Variants in CENPK observed in about 807,000 individuals in gnomAD.
CENPK encodes the protein SoxLZ/Sox6-binding protein Solt.
A neutral mutation model predicts 40.9 loss-of-function variants in CENPK; 46 were observed. The observed-to-expected ratio is 1.13, with a 90% confidence interval of 0.89 to 1.44. The LOEUF (loss-of-function observed/expected upper bound fraction) is 1.44. Among genes scored for constraint, CENPK ranks in the 40% most tolerant of loss-of-function variants. The pLI, the probability that CENPK is intolerant of heterozygous loss-of-function variation, is 0.00. For synonymous variants in CENPK, 107 were observed against 104.4 expected, an observed-to-expected ratio of 1.02 and a Z score of -0.15; for missense variants, 288 against 303.5, an observed-to-expected ratio of 0.95 and a Z score of 0.38.
chr5:65,519,191 T>C (rs1464328458), intron 10 of CENPK, among the ~76,000 whole-genome samples: 3 of 152,192 alleles, frequency 2.0e-5, no homozygotes, highest in Admixed American at 1.3e-4. Flanking sequence ...TTATATAGGC[T>C]AGCATTTTCC....
At chr5:65,528,164 C>G (rs1369543971) in intron 9 of CENPK, among the ~76,000 whole-genome samples, 1 of 152,114 alleles carries the variant, frequency 6.6e-6, no homozygotes, top group South Asian at 2.1e-4. Context: ...TCACTTGAAC[C>G]CAGGAGGCAG....
chr5:65,532,378 G>A (rs1277677871), intron 6 of CENPK, among the ~76,000 whole-genome samples: 1 of 152,070 alleles, frequency 6.6e-6, no homozygotes, highest in Admixed American at 6.6e-5. Flanking sequence ...TTTTGAAGAG[G>A]AGAGAATACT....
chr5:65,533,026 GAGTA>G (rs907192417), intron 6 of CENPK, among the ~76,000 whole-genome samples: 1 of 149,900 alleles, frequency 6.7e-6, no homozygotes, highest in African/African-American at 2.5e-5. Flanking sequence ...AATTCAGGAA[GAGTA>G]AGTGACAAAA....
At chr5:65,535,051 A>G (rs1225360403) in intron 6 of CENPK, among the ~76,000 whole-genome samples, 1 of 152,146 alleles carries the variant, frequency 6.6e-6, no homozygotes, top group Admixed American at 6.6e-5. Context: ...TCCCATCTCT[A>G]CAAAAAAATA....
rs201498265 is a variant in CENPK, at chr5:65,545,319, A to AGC, written c.242-2473_242-2472dup. The stretch of plus-strand genomic sequence containing the variant: ...CTGAAGACAAAGAAAAAGTCCTCAA[A>AGC]GCGCGCACACACACACACACACACA... On this transcript the variant is annotated intron_variant, in intron 5 of 10. Coordinates refer to ENST00000396679, the MANE Select transcript of CENPK (RefSeq NM_022145.5). Among the ~76,000 whole-genome samples the AGC allele has an allele frequency of 2.3e-4, 17 of 72,888 alleles. 1 individual carries two copies. Among genetic ancestry groups the AGC allele is most frequent in the African/African-American group, 6.2e-4 (10 of 16,018 alleles). 47.8% of individuals were successfully genotyped at this position (72,888 alleles called of 152,430 possible).
intron 6 of CENPK, among the ~76,000 whole-genome samples, chr5:65,540,902 G>T (rs1455848111): frequency 6.6e-6 from 1 of 151,438 alleles, no homozygotes; most frequent in African/African-American, 2.4e-5. Context: ...CAACCTCCCA[G>T]GCTCAAGCAA....
At chr5:65,496,817 G>A in the CENPK span, among the ~76,000 whole-genome samples, 4 of 151,996 alleles carry the variant, frequency 2.6e-5, no homozygotes, top group Non-Finnish European at 5.9e-5. Flanking sequence ...ACTTTGGGAC[G>A]CCGAGGTAGG....
the CENPK span, among the ~76,000 whole-genome samples, chr5:65,497,702 T>A: frequency 2.0e-5 from 3 of 152,118 alleles, no homozygotes; most frequent in Admixed American, 6.6e-5. Context: ...TAAATATAAA[T>A]GAACGAAATG....
intron 6 of CENPK, among the ~76,000 whole-genome samples, chr5:65,537,792 T>G (rs563256045): frequency 6.6e-6 from 1 of 152,332 alleles, no homozygotes; most frequent in Admixed American, 6.5e-5. Flanking sequence ...TGTTAGGATA[T>G]ATTGCATTTT....
the CENPK span, among the ~76,000 whole-genome samples, chr5:65,496,820 G>A: frequency 1.3e-5 from 2 of 152,048 alleles, no homozygotes; most frequent in Non-Finnish European, 2.9e-5. Context: ...TTGGGACGCC[G>A]AGGTAGGTAG....
chr5:65,558,029 G>C (rs914949610), intron 2 of CENPK, among the ~76,000 whole-genome samples: 1 of 152,050 alleles, frequency 6.6e-6, no homozygotes, highest in Admixed American at 6.6e-5. Flanking sequence ...ACTTGAGCCC[G>C]GTGAACCCAG....
intron 8 of CENPK, 117 bp from the exon 9 acceptor site, chr5:65,528,695 A>T: frequency 1.6e-6 from 2 of 1,257,632 alleles, no homozygotes; most frequent in Non-Finnish European, 2.1e-6. Context: ...GCTCAAACCA[A>T]ATAACTACCT....
chr5:65,520,076 A>C (rs564328072), intron 10 of CENPK, among the ~76,000 whole-genome samples: 1 of 152,218 alleles, frequency 6.6e-6, no homozygotes, highest in East Asian at 1.9e-4. Flanking sequence ...CCAATGTTGG[A>C]GGTGGAGCCT....
At chr5:65,527,051 C>T (rs1279845777) in intron 9 of CENPK, among the ~76,000 whole-genome samples, 1 of 151,976 alleles carries the variant, frequency 6.6e-6, no homozygotes, top group East Asian at 1.9e-4. Flanking sequence ...GAGCGGAGAT[C>T]ATGCCATTGC....
chr5:65,497,132 C>A, the CENPK span, among the ~76,000 whole-genome samples: 3 of 151,630 alleles, frequency 2.0e-5, no homozygotes, highest in Non-Finnish European at 2.9e-5. Context: ...CTTTGGGAGG[C>A]TGAGGCGGGC....
intron 9 of CENPK, among the ~76,000 whole-genome samples, chr5:65,521,884 G>A (rs1445849729): frequency 6.6e-6 from 1 of 152,186 alleles, no homozygotes; most frequent in African/African-American, 2.4e-5. Flanking sequence ...TTACAGGAGT[G>A]AGCCACCGCG....
chr5:65,538,296 T>C (rs1165849070), intron 6 of CENPK, among the ~76,000 whole-genome samples: 2 of 152,248 alleles, frequency 1.3e-5, no homozygotes, highest in African/African-American at 4.8e-5. Context: ...TTCACAGATG[T>C]GTATGATCCT....
At chr5:65,552,737 C>A (rs1750308621) in intron 3 of CENPK, among the ~76,000 whole-genome samples, 188 bp from the exon 4 acceptor site, 1 of 148,570 alleles carries the variant, frequency 6.7e-6, no homozygotes, top group Non-Finnish European at 1.5e-5. Flanking sequence ...AAGGTGAATA[C>A]ATCACAAGTA....
At chr5:65,531,326 G>C (rs77810081) in intron 6 of CENPK, among the ~76,000 whole-genome samples, 1 of 151,766 alleles carries the variant, frequency 6.6e-6, no homozygotes, top group East Asian at 1.9e-4. Flanking sequence ...AATAATCAAT[G>C]GGTCAAAGAA....
Sources: allele counts gnomAD v4.1 joint callset (sites outside exome capture counted in the v4.1 genomes callset), GRCh38; gene constraint gnomAD v4.1.1; transcripts MANE v1.5; gene names NCBI Gene and HGNC (gene_info 2026-07-23, HGNC 2026-07-21).